The following GALNTL6 variants were observed in gnomAD, a reference collection of about 807,000 sequenced individuals.
GALNTL6 encodes the protein polypeptide N-acetylgalactosaminyltransferase like 6, also known as polypeptide N-acetylgalactosaminyltransferase-like 6.
GALNTL6 carries 46 observed loss-of-function variants against 73.7 expected under a neutral mutation model. The observed-to-expected ratio is 0.62, with a 90% CI of 0.49 to 0.80. The LOEUF (loss-of-function observed/expected upper bound fraction) is 0.80, where lower values mean the gene tolerates loss of function less well. Among genes scored for constraint, GALNTL6 ranks in the 30% least tolerant of loss-of-function variants. The pLI is 0.00. For synonymous variants in GALNTL6, 259 were observed against 263.7 expected, an observed-to-expected ratio of 0.98 and a Z score of 0.17; for missense variants, 604 against 755.0, an observed-to-expected ratio of 0.80 and a Z score of 2.34.
intron 2 of GALNTL6, among the ~76,000 whole-genome samples, chr4:172,029,647 T>C (rs1741705626): frequency 6.6e-6 from 1 of 152,086 alleles, no homozygotes. Flanking sequence ...GGTTTTTACT[T>C]CTGTAATAGA....
At position 172,367,511 on chromosome 4, in the gene GALNTL6, A is replaced by G. The variant is rs545693953; in HGVS notation, c.553+18822A>G. ...ATAACTCCACGTAGCCAAGAACGTAATCTTGTTCTTATTTGAATTTCTGCA... is the reference window on the plus strand; with the variant it reads ...ATAACTCCACGTAGCCAAGAACGTAGTCTTGTTCTTATTTGAATTTCTGCA... On this transcript the variant is annotated intron_variant, in intron 5 of 12. Coordinates refer to ENST00000506823, the MANE Select transcript of GALNTL6 (RefSeq NM_001034845.3). Among the ~76,000 whole-genome samples, 4 of 152,248 alleles carry G rather than the reference A, an allele frequency of 2.6e-5. No individual in the cohort carries two copies. In the South Asian group the frequency reaches 8.3e-4, roughly 32 times the overall value.
At chr4:172,780,294 CT>C (rs376912699) in intron 5 of GALNTL6, among the ~76,000 whole-genome samples, 4 of 152,154 alleles carry the variant, frequency 2.6e-5, no homozygotes, top group African/African-American at 9.7e-5. Flanking sequence ...CTTCTCATCA[CT>C]GAAAGTAGTT....
chr4:172,605,797 A>G (rs1738233502), intron 5 of GALNTL6, among the ~76,000 whole-genome samples: 1 of 152,138 alleles, frequency 6.6e-6, no homozygotes, highest in Non-Finnish European at 1.5e-5. Context: ...TTGAAGAGTG[A>G]GGAGGCTGGA....
chr4:172,675,295 T>G (rs1456101654), intron 5 of GALNTL6, among the ~76,000 whole-genome samples: 1 of 152,226 alleles, frequency 6.6e-6, no homozygotes, highest in Non-Finnish European at 1.5e-5. Flanking sequence ...GAACTTGTAT[T>G]GGGCCCCAAC....
intron 2 of GALNTL6, among the ~76,000 whole-genome samples, chr4:171,822,360 T>G (rs1215502756): frequency 6.6e-6 from 1 of 152,142 alleles, no homozygotes; most frequent in Admixed American, 6.5e-5. Context: ...ATACTTCAAG[T>G]TTGTAGGTGG....
intron 2 of GALNTL6, among the ~76,000 whole-genome samples, chr4:171,973,996 T>C (rs1290278805): frequency 6.7e-6 from 1 of 150,260 alleles, no homozygotes; most frequent in Non-Finnish European, 1.5e-5. Context: ...TTTTGTTTGT[T>C]TTATTTTATT....
At chr4:172,155,655 T>C (rs1048480577) in intron 2 of GALNTL6, among the ~76,000 whole-genome samples, 6 of 152,186 alleles carry the variant, frequency 3.9e-5, no homozygotes, top group Non-Finnish European at 5.9e-5. Context: ...GAATGAATGT[T>C]TAAGTATATT....
intron 5 of GALNTL6, among the ~76,000 whole-genome samples, chr4:172,672,166 C>T (rs1221339686): frequency 2.0e-5 from 3 of 152,176 alleles, no homozygotes; most frequent in Non-Finnish European, 4.4e-5. Context: ...GCTGGGATTA[C>T]AGGAGTGAGC....
intron 12 of GALNTL6, among the ~76,000 whole-genome samples, chr4:173,028,576 A>G (rs1424528530): frequency 1.3e-5 from 2 of 152,184 alleles, no homozygotes; most frequent in East Asian, 3.9e-4. Flanking sequence ...TGAGGGCAAG[A>G]ACTTTTTAAA....
intron 5 of GALNTL6, among the ~76,000 whole-genome samples, chr4:172,738,752 A>G (rs888850456): frequency 3.3e-5 from 5 of 152,152 alleles, no homozygotes; most frequent in Admixed American, 6.6e-5. Context: ...CATTTTAGGC[A>G]TACATGAGAC....
chr4:171,924,886 C>T (rs1737933210), intron 2 of GALNTL6, among the ~76,000 whole-genome samples: 1 of 152,094 alleles, frequency 6.6e-6, no homozygotes, highest in Non-Finnish European at 1.5e-5. Context: ...GACGATTACA[C>T]AAAAGAATGA....
At chr4:172,889,713 T>C (rs1421831929) in intron 8 of GALNTL6, among the ~76,000 whole-genome samples, 5 of 152,160 alleles carry the variant, frequency 3.3e-5, no homozygotes, top group Non-Finnish European at 2.9e-5. Flanking sequence ...AGCCTGTAGT[T>C]TTCTTTTTTC....
intron 2 of GALNTL6, among the ~76,000 whole-genome samples, chr4:172,081,093 A>C (rs1731866177): frequency 6.6e-6 from 1 of 152,272 alleles, no homozygotes; most frequent in Non-Finnish European, 1.5e-5. Flanking sequence ...ATAGCACCCA[A>C]GTGCATGAAT....
chr4:172,641,383 C>G (rs1266228916), intron 5 of GALNTL6, among the ~76,000 whole-genome samples: 42 of 152,040 alleles, frequency 2.8e-4, no homozygotes, highest in Admixed American at 2.8e-3. Flanking sequence ...GGCCCAACTC[C>G]CTATCCCCTT....
chr4:172,988,898 C>G (rs1751417462), intron 10 of GALNTL6, among the ~76,000 whole-genome samples: 1 of 152,252 alleles, frequency 6.6e-6, no homozygotes, highest in Admixed American at 6.5e-5. Flanking sequence ...CCATCTAGAT[C>G]TCAGAGAATG....
chr4:172,638,844 A>G (rs1739823823), intron 5 of GALNTL6, among the ~76,000 whole-genome samples: 1 of 152,114 alleles, frequency 6.6e-6, no homozygotes, highest in East Asian at 1.9e-4. Flanking sequence ...ACAGTTCTTC[A>G]TTCTTTCTTT....
chr4:172,513,687 G>T (rs1000171861), intron 5 of GALNTL6, among the ~76,000 whole-genome samples: 2 of 152,118 alleles, frequency 1.3e-5, no homozygotes, highest in Non-Finnish European at 2.9e-5. Flanking sequence ...TCTCTTCTGG[G>T]TCTAGCCAAC....
intron 2 of GALNTL6, among the ~76,000 whole-genome samples, chr4:172,212,768 A>G (rs1189421665): frequency 6.6e-6 from 1 of 152,008 alleles, no homozygotes. Flanking sequence ...CCCGGGTTCA[A>G]GCGATTCTCC....
At chr4:172,552,734 GT>G (rs546719355) in intron 5 of GALNTL6, among the ~76,000 whole-genome samples, 4,411 of 128,026 alleles carry the variant, frequency 0.034, 181 homozygotes, top group African/African-American at 0.1. Context: ...TGTTAAAAGC[GT>G]TTTTTTTTTT....
Sources: allele counts gnomAD v4.1 joint callset (sites outside exome capture counted in the v4.1 genomes callset), GRCh38; gene constraint gnomAD v4.1.1; transcripts MANE v1.5; gene names NCBI Gene and HGNC (gene_info 2026-07-23, HGNC 2026-07-21).